Variants in FAM107B observed in about 807,000 individuals in gnomAD.
The protein encoded by FAM107B is protein FAM107B.
Under a neutral mutation model 31.5 loss-of-function variants are expected in FAM107B, and 21 were observed. The ratio of observed to expected loss-of-function variants is 0.67; its 90% CI spans 0.47 to 0.96. The LOEUF is 0.96. Among genes scored for constraint, FAM107B ranks in the 40% least tolerant of loss-of-function variants. FAM107B has a pLI of 0.00. For missense variants in FAM107B, 452 were observed against 377.1 expected, an observed-to-expected ratio of 1.20 and a Z score of -1.64; for synonymous variants, 157 against 141.5, an observed-to-expected ratio of 1.11 and a Z score of -0.78.
intron 2 of FAM107B, chr10:14,542,752 C>T (rs1250581513): frequency 6.6e-6 from 1 of 152,190 alleles, no homozygotes; most frequent in Non-Finnish European, 1.5e-5. Flanking sequence ...ACCCATTTCT[C>T]TAACCAACAG....
At chr10:14,740,984 C>T (rs185755982) in intron 1 of FAM107B, among the ~76,000 whole-genome samples, 13 of 152,202 alleles carry the variant, frequency 8.5e-5, no homozygotes, top group African/African-American at 2.9e-4. Context: ...AGTTTGGCGG[C>T]CAGGAAACGA....
intron 1 of FAM107B, among the ~76,000 whole-genome samples, chr10:14,672,864 T>C (rs1490841885): frequency 6.6e-6 from 1 of 152,254 alleles, no homozygotes; most frequent in East Asian, 1.9e-4. Context: ...TCAAGTCATT[T>C]TCCTTTGGCC....
intron 2 of FAM107B, among the ~76,000 whole-genome samples, chr10:14,570,233 G>GGTGTGTGTGTGT (rs57206586): frequency 3.3e-4 from 47 of 140,420 alleles, no homozygotes; most frequent in African/African-American, 1.2e-3. Context: ...AAATGTGGTG[G>GGTGTGTGTGTGT]GTGTGTGTGT....
At chr10:14,630,930 C>T (rs1330001821) in intron 2 of FAM107B, among the ~76,000 whole-genome samples, 2 of 151,894 alleles carry the variant, frequency 1.3e-5, no homozygotes, top group African/African-American at 2.4e-5. Flanking sequence ...ATGCTATTGT[C>T]TGAATTCTAT....
rs561038646 is a variant in FAM107B at position 14,667,464 on chromosome 10, A to G, written c.469+170T>C. 2.5e-3 allele frequency among the ~76,000 whole-genome samples: 383 copies of G among 152,344 alleles called. 3 individuals are homozygous for G. Among genetic ancestry groups the G allele is most frequent in the Middle Eastern group, 0.014 (4 of 294 alleles). On this transcript the variant is annotated intron_variant, in intron 2 of 4. Transcript: ENST00000181796. ...GAGCTATTTTCTGCATCACAACCAG[A>G]TTGTCCAGATGTCGTGCCTGGAATA...
Position 14,774,796 on chromosome 10 carries a change from A to G in FAM107B, c.-133T>C, listed in dbSNP as rs1288233028. On this transcript the variant is annotated 5_prime_UTR_variant, in exon 1 of 5. Coordinates refer to ENST00000181796, the MANE Select transcript of FAM107B (RefSeq NM_031453.4). ...AGAACTTGCTAGTGGTTGCCCCTAA[A>G]TAGAAGTTGGGATGGCAAGGCCACC... 1.0e-5 allele frequency: 11 copies of G among 1,066,694 alleles called. No homozygotes were observed. The East Asian group carries it at 2.9e-4, about 28-fold the overall frequency. 66.1% of individuals were successfully genotyped at this position (1,066,694 alleles called of 1,614,324 possible). A position where few individuals can be genotyped will look rare whatever the true frequency, so the allele number is the denominator to read the frequency against.
chr10:14,701,611 G>C (rs1328430010), intron 1 of FAM107B, among the ~76,000 whole-genome samples: 1 of 151,976 alleles, frequency 6.6e-6, no homozygotes, highest in East Asian at 1.9e-4. Flanking sequence ...CAGAATCATC[G>C]AAAGGGAACT....
At chr10:14,610,778 G>A (rs1394153765) in intron 2 of FAM107B, among the ~76,000 whole-genome samples, 1 of 152,202 alleles carries the variant, frequency 6.6e-6, no homozygotes, top group Non-Finnish European at 1.5e-5. Context: ...GTCCCCTGCA[G>A]TAGTTATCCA....
At chr10:14,599,125 T>C (rs1852281307) in intron 2 of FAM107B, among the ~76,000 whole-genome samples, 1 of 152,198 alleles carries the variant, frequency 6.6e-6, no homozygotes, top group Admixed American at 6.5e-5. Context: ...CACCTAAACC[T>C]GCCATGGTCG....
At chr10:14,638,415 T>G (rs1853555001) in intron 2 of FAM107B, among the ~76,000 whole-genome samples, 1 of 152,164 alleles carries the variant, frequency 6.6e-6, no homozygotes, top group Admixed American at 6.5e-5. Flanking sequence ...TTTGAATGAA[T>G]TTTCTGTTCT....
intron 2 of FAM107B, among the ~76,000 whole-genome samples, chr10:14,603,897 C>A (rs1397706561): frequency 6.6e-6 from 1 of 151,090 alleles, no homozygotes; most frequent in Admixed American, 6.6e-5. Context: ...CACGGCCAGG[C>A]AGTGCACACC....
At chr10:14,652,779 C>G (rs1209276130) in intron 2 of FAM107B, 1 of 152,152 alleles carries the variant, frequency 6.6e-6, no homozygotes, top group Non-Finnish European at 1.5e-5. Flanking sequence ...GTGCTAAAAT[C>G]AAATACCGCA....
chr10:14,717,424 G>A (rs181636007), intron 1 of FAM107B, among the ~76,000 whole-genome samples: 2 of 152,170 alleles, frequency 1.3e-5, no homozygotes, highest in Non-Finnish European at 2.9e-5. Context: ...GCATGGCTCA[G>A]TCCAGGTCCA....
rs575092538 is a variant in FAM107B at position 14,755,418 on chromosome 10, G to A, written c.411+18835C>T. Among the ~76,000 whole-genome samples the A allele has an allele frequency of 4.0e-5, 6 of 151,692 alleles. No individual in the cohort carries two copies. The South Asian group carries it at 6.3e-4, about 16-fold the overall frequency. ...TAGCTGGGCATGATGGTGGGTGCCT[G>A]TAATCCCAGCTACTCAGGAGGCTGA... On this transcript the variant is annotated intron_variant, in intron 1 of 4. Transcript: ENST00000181796.
intron 2 of FAM107B, among the ~76,000 whole-genome samples, chr10:14,534,125 G>A (rs891574813): frequency 3.9e-5 from 6 of 152,176 alleles, no homozygotes; most frequent in Non-Finnish European, 7.4e-5. Flanking sequence ...AGCTGGAAAA[G>A]GGGGTGCACA....
At chr10:14,577,437 A>T (rs1851500162) in intron 2 of FAM107B, among the ~76,000 whole-genome samples, 1 of 152,262 alleles carries the variant, frequency 6.6e-6, no homozygotes, top group African/African-American at 2.4e-5. Flanking sequence ...GTGAATCTTT[A>T]AAAAAGCGAG....
intron 1 of FAM107B, among the ~76,000 whole-genome samples, chr10:14,772,871 A>G (rs1242543153): frequency 6.6e-6 from 1 of 152,090 alleles, no homozygotes; most frequent in Non-Finnish European, 1.5e-5. Context: ...AATCAAAGTA[A>G]CCCTTTGTTC....
intron 1 of FAM107B, among the ~76,000 whole-genome samples, chr10:14,704,026 G>A (rs1855465080): frequency 6.6e-6 from 1 of 152,198 alleles, no homozygotes; most frequent in Non-Finnish European, 1.5e-5. Flanking sequence ...TGGGTATTAA[G>A]TGAACCTTGT....
chr10:14,652,359 T>C (rs1853923021), intron 2 of FAM107B, among the ~76,000 whole-genome samples: 1 of 152,126 alleles, frequency 6.6e-6, no homozygotes, highest in South Asian at 2.1e-4. Context: ...AAATCAACCC[T>C]CTCACTATAG....
Sources: allele counts gnomAD v4.1 joint callset (sites outside exome capture counted in the v4.1 genomes callset), GRCh38; gene constraint gnomAD v4.1.1; transcripts MANE v1.5; gene names NCBI Gene and HGNC (gene_info 2026-07-23, HGNC 2026-07-21).